PDZRN4: variants seen among roughly 807,000 people sequenced by gnomAD.
PDZRN4 encodes the protein PDZ domain containing ring finger 4, also known as PDZ domain-containing RING finger protein 4.
Under a neutral mutation model 99.0 loss-of-function variants are expected in PDZRN4, and 70 were observed. That is an observed-to-expected ratio of 0.71 (90% CI 0.58 to 0.86). The LOEUF (loss-of-function observed/expected upper bound fraction) is 0.86. PDZRN4 is among the 40% of genes least tolerant of loss of function. PDZRN4 has a pLI of 0.00. For missense variants in PDZRN4, 1,474 were observed against 1,331.2 expected, an observed-to-expected ratio of 1.11 and a Z score of -1.67; for synonymous variants, 551 against 501.6, an observed-to-expected ratio of 1.10 and a Z score of -1.32.
At chr12:41,497,738 G>T (rs1261751697) in intron 3 of PDZRN4, among the ~76,000 whole-genome samples, 2 of 152,144 alleles carry the variant, frequency 1.3e-5, no homozygotes, top group Non-Finnish European at 2.9e-5. Flanking sequence ...CAAAGATAAA[G>T]TTGGTGACAC....
intron 3 of PDZRN4, among the ~76,000 whole-genome samples, chr12:41,271,889 T>A (rs1025171125): frequency 6.6e-6 from 1 of 152,084 alleles, no homozygotes; most frequent in Admixed American, 6.6e-5. Flanking sequence ...AATATGGAAA[T>A]AAAACACATG....
intron 3 of PDZRN4, among the ~76,000 whole-genome samples, chr12:41,295,746 G>A (rs1379622914): frequency 1.3e-5 from 2 of 152,080 alleles, no homozygotes; most frequent in Non-Finnish European, 2.9e-5. Context: ...TTTCAAAAGA[G>A]ACCCTATCAG....
intron 7 of PDZRN4, among the ~76,000 whole-genome samples, chr12:41,563,278 G>A (rs549118438): frequency 4.6e-5 from 7 of 152,256 alleles, no homozygotes; most frequent in African/African-American, 1.7e-4. Context: ...CTGGTTAATT[G>A]TGTTGCTAGA....
At position 41,559,478 on chromosome 12, in the gene PDZRN4, T is replaced by C. The variant is rs1406619941; in HGVS notation, c.1365+3718T>C. On this transcript the variant is annotated intron_variant, in intron 7 of 9. Coordinates refer to ENST00000402685, the MANE Select transcript of PDZRN4 (RefSeq NM_001164595.2). ...GATAACAAGAGTAAAAGACCACATA[T>C]ATGACCAGCTTTCCAAGGAGTTTCC... 3.9e-5 allele frequency among the ~76,000 whole-genome samples: 6 copies of C among 152,240 alleles called. No homozygotes were observed. In the South Asian group the frequency reaches 8.3e-4, roughly 21 times the overall value.
chr12:41,240,975 T>C (rs1297589419), intron 3 of PDZRN4, among the ~76,000 whole-genome samples: 2 of 152,178 alleles, frequency 1.3e-5, no homozygotes, highest in African/African-American at 2.4e-5. Context: ...GTATTGATTA[T>C]GGATTATGAA....
At chr12:41,360,584 A>G (rs1194905975) in intron 3 of PDZRN4, among the ~76,000 whole-genome samples, 3 of 152,070 alleles carry the variant, frequency 2.0e-5, no homozygotes, top group East Asian at 3.9e-4. Context: ...TGCTATAGAA[A>G]TTATCATAGA....
At chr12:41,233,880 G>A (rs990851419) in intron 3 of PDZRN4, among the ~76,000 whole-genome samples, 2 of 151,752 alleles carry the variant, frequency 1.3e-5, no homozygotes, top group African/African-American at 4.8e-5. Context: ...CATGGCACAT[G>A]TATACATATG....
At chr12:41,250,312 C>A (rs907679013) in intron 3 of PDZRN4, among the ~76,000 whole-genome samples, 14 of 152,116 alleles carry the variant, frequency 9.2e-5, no homozygotes, top group African/African-American at 3.1e-4. Flanking sequence ...TTGCTCACCT[C>A]CAAAAACATT....
At chr12:41,206,861 G>C (rs1950854453) in intron 3 of PDZRN4, among the ~76,000 whole-genome samples, 4 of 151,784 alleles carry the variant, frequency 2.6e-5, no homozygotes, top group Admixed American at 2.6e-4. Context: ...TGTTTCTTTT[G>C]ACATTATCAT....
intron 1 of PDZRN4, among the ~76,000 whole-genome samples, chr12:41,189,569 C>T (rs1260685331): frequency 1.3e-5 from 2 of 152,192 alleles, no homozygotes; most frequent in Non-Finnish European, 2.9e-5. Context: ...CGCGCACGCA[C>T]ACCTGGGACT....
intron 3 of PDZRN4, among the ~76,000 whole-genome samples, chr12:41,255,564 A>G (rs1337842698): frequency 2.6e-5 from 4 of 152,108 alleles, no homozygotes. Flanking sequence ...TGTTGAGGGA[A>G]CCTGTTTTTA....
At chr12:41,209,660 T>G (rs984367434) in intron 3 of PDZRN4, among the ~76,000 whole-genome samples, 3 of 151,202 alleles carry the variant, frequency 2.0e-5, no homozygotes, top group Admixed American at 1.3e-4. Context: ...TCCATGTCCC[T>G]ACAAAGGACA....
intron 3 of PDZRN4, among the ~76,000 whole-genome samples, chr12:41,444,082 C>G (rs1439113380): frequency 6.6e-6 from 1 of 152,030 alleles, no homozygotes; most frequent in Non-Finnish European, 1.5e-5. Flanking sequence ...GATTTAAAAT[C>G]GGAGTGGCCA....
chr12:41,574,014 T>C lies in PDZRN4; in HGVS notation c.*124T>C. 1.7e-6 allele frequency: 1 copy of C among 578,298 alleles called. No homozygotes were observed. Among genetic ancestry groups the C allele is most frequent in the Non-Finnish European group, 2.8e-6 (1 of 362,852 alleles). The allele number at this position is 578,298 out of a possible 1,614,324, so 35.8% of individuals were successfully genotyped here. On this transcript the variant is annotated 3_prime_UTR_variant, in exon 10 of 10. Transcript: ENST00000402685. ...TGTGACTCTTTATAGTTTAAATTTT[T>C]TGTAAGCAAAAAATACCTGGTAATT...
At chr12:41,194,761 T>C (rs2120645058) in intron 3 of PDZRN4, among the ~76,000 whole-genome samples, 1 of 152,362 alleles carries the variant, frequency 6.6e-6, no homozygotes, top group South Asian at 2.1e-4. Flanking sequence ...TTTAATAACC[T>C]GTGTTTCCCA....
intron 3 of PDZRN4, among the ~76,000 whole-genome samples, chr12:41,335,245 T>G (rs1436035353): frequency 6.6e-6 from 1 of 151,458 alleles, no homozygotes; most frequent in East Asian, 1.9e-4. Flanking sequence ...ATCATTTTCT[T>G]TTTTTCTTTT....
chr12:41,242,283 T>C (rs1402489576), intron 3 of PDZRN4, among the ~76,000 whole-genome samples: 26 of 152,178 alleles, frequency 1.7e-4, no homozygotes, highest in Admixed American at 1.7e-3. Context: ...TCCAAAACAG[T>C]TGATTGATAT....
chr12:41,556,023 G>C (rs1939155786), intron 7 of PDZRN4, among the ~76,000 whole-genome samples: 1 of 152,034 alleles, frequency 6.6e-6, no homozygotes, highest in Admixed American at 6.6e-5. Flanking sequence ...CATTTGCTTG[G>C]CACACTGCAT....
At chr12:41,407,659 C>T (rs1200704236) in intron 3 of PDZRN4, among the ~76,000 whole-genome samples, 1 of 151,072 alleles carries the variant, frequency 6.6e-6, no homozygotes, top group South Asian at 2.1e-4. Flanking sequence ...AGATTAAAGG[C>T]AGGTTCAGTT....
Sources: allele counts gnomAD v4.1 joint callset (sites outside exome capture counted in the v4.1 genomes callset), GRCh38; gene constraint gnomAD v4.1.1; transcripts MANE v1.5; gene names NCBI Gene and HGNC (gene_info 2026-07-23, HGNC 2026-07-21).